ATXN10: variants seen among roughly 807,000 people sequenced by gnomAD.
ATXN10 encodes ataxin-10.
In ATXN10, 28 loss-of-function variants were observed where a neutral mutation model predicts 52.9. That is an observed-to-expected ratio of 0.53 (90% confidence interval 0.39 to 0.73). ATXN10 has a LOEUF of 0.73. Among genes scored for constraint, ATXN10 ranks in the 30% least tolerant of loss-of-function variants. The pLI is 0.00. For synonymous variants in ATXN10, 226 were observed against 221.5 expected (o/e 1.02, Z -0.18); for missense variants, 565 against 577.0 (o/e 0.98, Z 0.21).
rs1418632059 is a variant in ATXN10 at position 45,750,887 on chromosome 22, C to G, written c.1173+10349C>G. Among the ~76,000 whole-genome samples the G allele has an allele frequency of 6.6e-6, 1 of 151,976 alleles. No individual in the cohort carries two copies. The highest frequency in any genetic ancestry group is 2.4e-5 in the African/African-American group (1 of 41,388). On this transcript the variant is annotated intron_variant, in intron 9 of 11. Coordinates refer to ENST00000252934, the MANE Select transcript of ATXN10 (RefSeq NM_013236.4). This position sits in a 1 kb window ranked among gnomAD's most constrained non-coding sequence, Gnocchi z 4.2. ...GTTTTTCTCCATGATAAGAAGAGAA[C>G]ATGCTCCGTTCATTAGTGATTGTAG...
intron 9 of ATXN10, chr22:45,792,870 A>G (rs188219265): frequency 2.0e-6 from 1 of 506,174 alleles, no homozygotes; most frequent in African/African-American, 2.0e-5. Context: ...ATTTTTACTG[A>G]CTTTGTTAAA....
chr22:45,774,189 A>G lies in ATXN10; in HGVS notation c.1174-32770A>G, dbSNP rs1020010427. Among the ~76,000 whole-genome samples the G allele has an allele frequency of 3.3e-5, 5 of 152,238 alleles. No individual in the cohort carries two copies. Among genetic ancestry groups the G allele is most frequent in the African/African-American group, 4.8e-5 (2 of 41,468 alleles). ...TGGGGGTGGCCCTGCCTTAGTAGGC[A>G]TGGTGGGGCACCTGCCTCCTACTTG... On this transcript the variant is annotated intron_variant, in intron 9 of 11. Transcript: ENST00000252934. This position sits in a 1 kb window ranked among gnomAD's most constrained non-coding sequence, Gnocchi z 6.2.
At chr22:45,822,385 G>A (rs1456552768) in intron 10 of ATXN10, among the ~76,000 whole-genome samples, 1 of 152,070 alleles carries the variant, frequency 6.6e-6, no homozygotes, top group Non-Finnish European at 1.5e-5. Flanking sequence ...CTTCAGAGTA[G>A]TGGTACCTGT....
intron 9 of ATXN10, among the ~76,000 whole-genome samples, chr22:45,797,588 C>G (rs995968190): frequency 6.6e-6 from 1 of 152,062 alleles, no homozygotes; most frequent in African/African-American, 2.4e-5. Context: ...CATGAGAAAA[C>G]AAGACAGATT....
In ATXN10 at chr22:45,678,021, A is replaced by G. The variant is rs1157592379; in HGVS notation, c.116+5842A>G. 1.3e-5 allele frequency: 2 copies of G among 152,240 alleles called. No homozygotes were observed. The highest frequency in any genetic ancestry group is 4.8e-5 in the African/African-American group (2 of 41,470). The allele number at this position is 152,240 out of a possible 1,614,324, so 9.4% of individuals were successfully genotyped here. Reference sequence around the variant, plus strand: ...ATTCTGCTTTTATGAAGTACCTAGAACAGACAAACTTGTAGAGACAGAAAG... The same window carrying G: ...ATTCTGCTTTTATGAAGTACCTAGAGCAGACAAACTTGTAGAGACAGAAAG... On this transcript the variant is annotated intron_variant, in intron 1 of 11. Transcript: ENST00000252934. The surrounding 1 kb of genome is among the most constrained non-coding windows in gnomAD (Gnocchi z 4.1).
chr22:45,778,563 G>C (rs905995978), intron 9 of ATXN10, among the ~76,000 whole-genome samples: 1 of 152,156 alleles, frequency 6.6e-6, no homozygotes. Flanking sequence ...TTATAAGTCC[G>C]CGTTTACTAT....
Position 45,824,457 on chromosome 22 carries a change from A to G in ATXN10, c.1237+17435A>G, listed in dbSNP as rs891809466. On this transcript the variant is annotated intron_variant, in intron 10 of 11. Transcript: ENST00000252934. This position sits in a 1 kb window ranked among gnomAD's most constrained non-coding sequence, Gnocchi z 5.2. ...CATCTAACTCTCCTCAAGGCACTAA[A>G]TTGATATTTAGAGTAAACATAGGCA... Among the ~76,000 whole-genome samples, 1 of 152,146 alleles carries G rather than the reference A, an allele frequency of 6.6e-6. No homozygotes were observed.
chr22:45,749,566 TTTTTC>T (rs1316291520), intron 9 of ATXN10, among the ~76,000 whole-genome samples: 1 of 152,174 alleles, frequency 6.6e-6, no homozygotes, highest in Non-Finnish European at 1.5e-5. Flanking sequence ...TCCCTTTCTT[TTTTTC>T]TTTTTTAAGA....
In ATXN10 at chr22:45,701,942, T is replaced by C. The variant is rs1239670620; in HGVS notation, c.489-747T>C. On this transcript the variant is annotated intron_variant, in intron 4 of 11. Transcript: ENST00000252934. This position sits in a 1 kb window ranked among gnomAD's most constrained non-coding sequence, Gnocchi z 4.2. The stretch of plus-strand genomic sequence containing the variant: ...GAGGTTTTGTTATTGTATTTTATTT[T>C]TTATACCAGAAAACATATTAAGAGA... 1.3e-5 allele frequency among the ~76,000 whole-genome samples: 2 copies of C among 152,346 alleles called. No individual in the cohort carries two copies. Among genetic ancestry groups the C allele is most frequent in the South Asian group, 4.1e-4 (2 of 4,828 alleles).
chr22:45,827,233 TAAAA>T (rs767096671), intron 10 of ATXN10, among the ~76,000 whole-genome samples: 13 of 147,844 alleles, frequency 8.8e-5, no homozygotes, highest in Non-Finnish European at 2.0e-4. Context: ...GTACAAAAAA[TAAAA>T]AGAAGACAAT....
rs911299650 is a variant in ATXN10, at chr22:45,805,654, A to G, written c.1174-1305A>G. 6.6e-6 allele frequency among the ~76,000 whole-genome samples: 1 copy of G among 152,202 alleles called. No homozygotes were observed. The highest frequency in any genetic ancestry group is 2.4e-5 in the African/African-American group (1 of 41,460). On this transcript the variant is annotated intron_variant, in intron 9 of 11. Coordinates refer to ENST00000252934, the MANE Select transcript of ATXN10 (RefSeq NM_013236.4). The surrounding 1 kb of genome is among the most constrained non-coding windows in gnomAD (Gnocchi z 4.4). ...GGAAATGTCCAGAATAGGCAAATCC[A>G]GAGAGACAGGAAGTAGAAGGATAGT...
chr22:45,831,426 C>T (rs1411431482), intron 10 of ATXN10, among the ~76,000 whole-genome samples: 2 of 152,048 alleles, frequency 1.3e-5, no homozygotes, highest in African/African-American at 4.8e-5. Flanking sequence ...GTACCTCAGA[C>T]TTTTCCTGTA....
Position 45,744,484 on chromosome 22 carries a change from T to C in ATXN10, c.1173+3946T>C, listed in dbSNP as rs1343413024. Reference sequence around the variant, plus strand: ...AAGGGCTGAAAAGATATTTCCACCATCATTTTCTAAATGAAGAAACCAAGG... The same window carrying C: ...AAGGGCTGAAAAGATATTTCCACCACCATTTTCTAAATGAAGAAACCAAGG... On this transcript the variant is annotated intron_variant, in intron 9 of 11. Transcript: ENST00000252934. The surrounding 1 kb of genome is among the most constrained non-coding windows in gnomAD (Gnocchi z 4.9). 4 of 152,194 alleles carry C rather than the reference T, an allele frequency of 2.6e-5. No individual in the cohort carries two copies. The highest frequency in any genetic ancestry group is 4.4e-5 in the Non-Finnish European group (3 of 68,036). The allele number at this position is 152,194 out of a possible 1,614,324, so 9.4% of individuals were successfully genotyped here.
chr22:45,711,695 T>C (rs1924256453), intron 5 of ATXN10, among the ~76,000 whole-genome samples: 1 of 152,118 alleles, frequency 6.6e-6, no homozygotes, highest in South Asian at 2.1e-4. Flanking sequence ...AAAATAAAAA[T>C]ATTTAATTAA....
At chr22:45,813,733 G>A (rs1161364622) in intron 10 of ATXN10, among the ~76,000 whole-genome samples, 1 of 152,132 alleles carries the variant, frequency 6.6e-6, no homozygotes, top group African/African-American at 2.4e-5. Flanking sequence ...TATAGTGAGT[G>A]TGAAATGTTA....
At chr22:45,761,521 C>T (rs577136094) in intron 9 of ATXN10, among the ~76,000 whole-genome samples, 81 of 152,296 alleles carry the variant, frequency 5.3e-4, no homozygotes, top group African/African-American at 1.9e-3. Flanking sequence ...TCTCACCAAC[C>T]TTTATGGAAG....
At chr22:45,797,781 T>C (rs73889620) in intron 9 of ATXN10, among the ~76,000 whole-genome samples, 2,579 of 152,274 alleles carry the variant, frequency 0.017, 84 homozygotes, top group African/African-American at 0.059. Context: ...TTTAAAAAGA[T>C]TGATCAATCT....
At chr22:45,767,806 TG>T in intron 9 of ATXN10, among the ~76,000 whole-genome samples, 1 of 152,288 alleles carries the variant, frequency 6.6e-6, no homozygotes, top group East Asian at 1.9e-4. Context: ...GTAATTCTAG[TG>T]GGGTATAGCC....
chr22:45,794,817 A>G (rs1443732781), intron 9 of ATXN10, among the ~76,000 whole-genome samples: 1 of 152,222 alleles, frequency 6.6e-6, no homozygotes, highest in Non-Finnish European at 1.5e-5. Flanking sequence ...AGTAAATGAT[A>G]GCACATGGAA....
Sources: gnomAD v4.1 joint callset for allele counts (sites outside exome capture counted in the v4.1 genomes callset) on GRCh38, gnomAD v4.1.1 for gene constraint, Gnocchi (gnomAD v3.1) non-coding constraint, MANE v1.5 for transcripts, NCBI Gene and HGNC (gene_info 2026-07-23, HGNC 2026-07-21) for gene names.